Variants in ETV4 observed in about 807,000 individuals in gnomAD.
ETV4 encodes the protein ETS translocation variant 4.
ETV4 carries 42 observed loss-of-function variants against 65.9 expected under a neutral mutation model. The ratio of observed to expected loss-of-function variants is 0.64; its 90% confidence interval spans 0.50 to 0.82. ETV4 has a LOEUF of 0.82. Ranked by LOEUF, ETV4 falls within the 40% of genes least tolerant of loss-of-function variation. The pLI, the probability that ETV4 is intolerant of heterozygous loss-of-function variation, is 0.00. For synonymous variants in ETV4, 238 were observed against 260.0 expected, an observed-to-expected ratio of 0.92 and a Z score of 0.81; for missense variants, 583 against 630.3, an observed-to-expected ratio of 0.92 and a Z score of 0.80.
chr17:43,540,459 C>T lies in ETV4; in HGVS notation c.203-3980G>A, dbSNP rs55775024. On this transcript the variant is annotated intron_variant, in intron 4 of 12. Coordinates refer to ENST00000319349, the MANE Select transcript of ETV4 (RefSeq NM_001079675.5). ...CAGAGTGAGACCCTGTCTCAAATAA[C>T]AATAATAAAAATAAAATAAAAACAC... 8.7e-3 allele frequency among the ~76,000 whole-genome samples: 1,328 copies of T among 152,214 alleles called. 26 individuals carry two copies. The highest frequency in any genetic ancestry group is 0.031 in the African/African-American group (1,275 of 41,524).
intron 8 of ETV4, among the ~76,000 whole-genome samples, chr17:43,532,372 G>A (rs1389016471): frequency 6.6e-6 from 1 of 152,078 alleles, no homozygotes; most frequent in Non-Finnish European, 1.5e-5. Context: ...GGTGGCTGGT[G>A]CCTGTAATCC....
chr17:43,533,951 C>T lies in ETV4; in HGVS notation c.291G>A (p.Lys97=), dbSNP rs150267783. 3.3e-5 allele frequency: 51 copies of T among 1,543,844 alleles called. No individual in the cohort carries two copies. The African/African-American group carries it at 6.7e-4, about 20-fold the overall frequency. Residue 97 remains lysine, a synonymous_variant, in exon 6 of 13, where the codon AAG becomes AAA. Coordinates refer to ENST00000319349, the MANE Select transcript of ETV4 (RefSeq NM_001079675.5). ...AFHSPTTRIK[K]EPQSPRTDPA... Reference sequence around the variant, plus strand: ...GGTCTGTGCGGGGACTCTGGGGCTCCTTCTTGATCCTGGTGGTGGGGCTGT... The same window carrying T: ...GGTCTGTGCGGGGACTCTGGGGCTCTTTCTTGATCCTGGTGGTGGGGCTGT...
chr17:43,528,389 A>G lies in ETV4; in HGVS notation c.*130T>C. 1 of 640,168 alleles carries G rather than the reference A, an allele frequency of 1.6e-6. No homozygotes were observed. Among genetic ancestry groups the G allele is most frequent in the Non-Finnish European group, 2.7e-6 (1 of 375,006 alleles). 39.7% of individuals were successfully genotyped at this position (640,168 alleles called of 1,614,324 possible). On this transcript the variant is annotated 3_prime_UTR_variant, in exon 13 of 13. Transcript: ENST00000319349. ...GCAGCTCAGAGTCTGGGCTAGGGCAACTGGTAGGACAGTGGGGATCTGCCC... is the reference window on the plus strand; with the variant it reads ...GCAGCTCAGAGTCTGGGCTAGGGCAGCTGGTAGGACAGTGGGGATCTGCCC...
At chr17:43,541,750 C>T (rs1440435725) in intron 4 of ETV4, among the ~76,000 whole-genome samples, 11 of 152,106 alleles carry the variant, frequency 7.2e-5, no homozygotes. Context: ...TGTCCCTTAC[C>T]CTGCCCCCAC....
intron 4 of ETV4, among the ~76,000 whole-genome samples, chr17:43,543,513 ACT>A (rs1451484611): frequency 6.6e-6 from 1 of 151,868 alleles, no homozygotes; most frequent in African/African-American, 2.4e-5. Context: ...CACTGTGGGG[ACT>A]CTCAGCTGAC....
intron 4 of ETV4, among the ~76,000 whole-genome samples, chr17:43,542,430 A>G (rs1971571218): frequency 6.6e-6 from 1 of 152,132 alleles, no homozygotes; most frequent in South Asian, 2.1e-4. Flanking sequence ...GCTCCTGACA[A>G]GCCTGGAAAG....
rs200866092 is a variant in ETV4 at position 43,534,035 on chromosome 17, G to A, written c.257-50C>T. 2.8e-6 allele frequency: 4 copies of A among 1,452,014 alleles called. 1 individual carries two copies. The East Asian group carries it at 1.1e-4, about 40-fold the overall frequency. The allele number at this position is 1,452,014 out of a possible 1,614,324, so 89.9% of individuals were successfully genotyped here. A position where few individuals can be genotyped will look rare whatever the true frequency, so the allele number is the denominator to read the frequency against. The stretch of plus-strand genomic sequence containing the variant: ...AAGGCCAGAGCCTGTCACACAAGAG[G>A]CAGGCAGGGCTTCTGATACCTTCTG... On this transcript the variant is annotated intron_variant, in intron 5 of 12. Transcript: ENST00000319349.
intron 8 of ETV4, chr17:43,530,547 T>A (rs1349351940): frequency 9.9e-6 from 7 of 706,558 alleles, no homozygotes; most frequent in East Asian, 4.5e-5. Context: ...CGCCTAAGAC[T>A]CCCTCAGAAT....
chr17:43,539,332 T>C (rs1971405129), intron 4 of ETV4, among the ~76,000 whole-genome samples: 1 of 152,202 alleles, frequency 6.6e-6, no homozygotes, highest in South Asian at 2.1e-4. Flanking sequence ...TTCCTGACCA[T>C]CAGAGTCTCA....
At chr17:43,531,449 G>T (rs1263421421) in intron 8 of ETV4, among the ~76,000 whole-genome samples, 1 of 152,064 alleles carries the variant, frequency 6.6e-6, no homozygotes, top group East Asian at 1.9e-4. Flanking sequence ...CTCTGGCCAG[G>T]GCATACATCA....
chr17:43,545,453 G>A (rs1220990347), intron 2 of ETV4, 86 bp from the exon 3 acceptor site: 2 of 1,462,346 alleles, frequency 1.4e-6, no homozygotes, highest in Admixed American at 2.0e-5. Flanking sequence ...TGACTCAGGG[G>A]CGGGGCAGCC....
chr17:43,545,721 G>A (rs1971789146), intron 1 of ETV4, 53 bp from the exon 2 acceptor site: 1 of 925,474 alleles, frequency 1.1e-6, no homozygotes. Context: ...GCTGCGATGG[G>A]GGCGGGGAGG....
At chr17:43,530,009 A>G (rs931296667) in intron 9 of ETV4, 57 bp from the exon 10 acceptor site, 45 of 1,610,412 alleles carry the variant, frequency 2.8e-5, no homozygotes, top group Admixed American at 8.3e-5. Context: ...GAGACCCCAG[A>G]GAGTCCAGAG....
rs370888584 is a variant in ETV4, at chr17:43,536,364, C to G, written c.256+62G>C. 134 of 1,425,758 alleles carry G rather than the reference C, an allele frequency of 9.4e-5. No homozygotes were observed. The African/African-American group carries it at 1.7e-3, about 18-fold the overall frequency. The allele number at this position is 1,425,758 out of a possible 1,614,324, so 88.3% of individuals were successfully genotyped here. The stretch of plus-strand genomic sequence containing the variant: ...AGCTGCTCTCTTGTGATTCTCTATC[C>G]TATGACTCACTTCCTGCCATCCTCC... On this transcript the variant is annotated intron_variant, in intron 5 of 12. Coordinates refer to ENST00000319349, the MANE Select transcript of ETV4 (RefSeq NM_001079675.5).
In ETV4 at chr17:43,528,701, C is replaced by T. The variant is rs147099186; in HGVS notation, c.1273G>A (p.Glu425Lys). Residue 425 changes from glutamate to lysine, a missense_variant, in exon 13 of 13, where the codon GAG (glutamate) becomes AAG (lysine). Coordinates refer to ENST00000319349, the MANE Select transcript of ETV4 (RefSeq NM_001079675.5). ...RYVYKFVCEP[E>K]ALFSLAFPDN... is the part of the protein sequence containing the mutation. Reference sequence around the variant, plus strand: ...GGGAAGGCCAAAGAGAAGAGGGCCTCGGGCTCACACACAAACTTGTACACG... The same window carrying T: ...GGGAAGGCCAAAGAGAAGAGGGCCTTGGGCTCACACACAAACTTGTACACG... 628 of 1,614,126 alleles carry T rather than the reference C, an allele frequency of 3.9e-4. No homozygotes were observed. The highest frequency in any genetic ancestry group is 5.0e-4 in the Non-Finnish European group (594 of 1,180,026).
At chr17:43,544,263 C>G (rs541299872) in intron 4 of ETV4, 1 of 153,272 alleles carries the variant, frequency 6.5e-6, no homozygotes, top group East Asian at 1.9e-4. Flanking sequence ...GCCACGGACC[C>G]AGCCACGGAC....
intron 4 of ETV4, among the ~76,000 whole-genome samples, chr17:43,537,238 A>ACCC (rs1598208501): frequency 6.6e-6 from 1 of 151,824 alleles, no homozygotes; most frequent in East Asian, 1.9e-4. Flanking sequence ...TGTTGGCGGG[A>ACCC]GCCTATAATC....
At position 43,528,407 on chromosome 17, in the gene ETV4, A is replaced by G; in HGVS notation, c.*112T>C. 1 of 721,278 alleles carries G rather than the reference A, an allele frequency of 1.4e-6. No individual in the cohort carries two copies. Among genetic ancestry groups the G allele is most frequent in the Non-Finnish European group, 2.3e-6 (1 of 439,572 alleles). 44.7% of individuals were successfully genotyped at this position (721,278 alleles called of 1,614,324 possible). A position where few individuals can be genotyped will look rare whatever the true frequency, so the allele number is the denominator to read the frequency against. Reference sequence around the variant, plus strand: ...TAGGGCAACTGGTAGGACAGTGGGGATCTGCCCCAGAGACATCTGTGGGTT... The same window carrying G: ...TAGGGCAACTGGTAGGACAGTGGGGGTCTGCCCCAGAGACATCTGTGGGTT... On this transcript the variant is annotated 3_prime_UTR_variant, in exon 13 of 13. Transcript: ENST00000319349.
In ETV4 at chr17:43,530,092, G is replaced by A. The variant is rs770324500; in HGVS notation, c.886+15C>T. 2 of 1,604,348 alleles carry A rather than the reference G, an allele frequency of 1.2e-6. No individual in the cohort carries two copies. The highest frequency in any genetic ancestry group is 1.7e-6 in the Non-Finnish European group (2 of 1,174,954). On this transcript the variant is annotated intron_variant, in intron 9 of 12. Transcript: ENST00000319349. The stretch of plus-strand genomic sequence containing the variant: ...CAACATGGAGGGCTTGGCAGGGGAA[G>A]GGGGGCTGCCTTACCCATGGCCCCG...
Sources: gnomAD v4.1 joint callset for allele counts (sites outside exome capture counted in the v4.1 genomes callset) on GRCh38, gnomAD v4.1.1 for gene constraint, MANE v1.5 for transcripts, NCBI Gene and HGNC (gene_info 2026-07-23, HGNC 2026-07-21) for gene names.